Variants in FES observed in about 807,000 individuals in gnomAD.
The protein encoded by FES is FES proto-oncogene, tyrosine kinase, also known as tyrosine-protein kinase Fes/Fps.
A neutral mutation model predicts 109.6 loss-of-function variants in FES; 83 were observed. That is an observed-to-expected ratio of 0.76 (90% CI 0.63 to 0.91). The LOEUF is 0.91. Ranked by LOEUF, FES falls within the 40% of genes least tolerant of loss-of-function variation. The pLI, the probability that FES is intolerant of heterozygous loss-of-function variation, is 0.00. For synonymous variants in FES, 458 were observed against 442.1 expected (o/e 1.04, Z -0.45); for missense variants, 943 against 1,070.9 (o/e 0.88, Z 1.67).
Position 90,893,795 on chromosome 15 carries a change from T to C in FES, c.2187T>C (p.Pro729=), listed in dbSNP as rs1199682698. The part of the protein sequence containing the change: ...LRQVPVKWTA[P]EALNYGRYSS... ...AAGTCCCCGTGAAGTGGACCGCACC[T>C]GAGGCCCTTAACTACGGTACCTAGT... Residue 729 remains proline (P), a synonymous_variant, in exon 17 of 19, where the codon CCT becomes CCC. Transcript: ENST00000328850. The C allele has an allele frequency of 1.3e-6, 2 of 1,597,096 alleles. No individual in the cohort carries two copies. The highest frequency in any genetic ancestry group is 1.7e-5 in the Admixed American group (1 of 58,468).
chr15:90,889,479 T>A lies in FES; in HGVS notation c.806+36T>A, dbSNP rs777684934. The A allele has an allele frequency of 1.9e-6, 3 of 1,613,876 alleles. No homozygotes were observed. In the Admixed American group the frequency reaches 5.0e-5, roughly 27 times the overall value. On this transcript the variant is annotated intron_variant, in intron 6 of 18. Transcript: ENST00000328850. This position sits in a 1 kb window ranked among gnomAD's most constrained non-coding sequence, Gnocchi z 6.1. ...TCCTTGCTCCTGCTGGGCCCAGGGC[T>A]GCTGGCCTGTCCACTGACGGGGCGC...
chr15:90,895,384 T>G (rs1192807073), intron 18 of FES, 32 bp from the exon 19 acceptor site: 1 of 1,483,412 alleles, frequency 6.7e-7, no homozygotes, highest in Non-Finnish European at 9.0e-7. Flanking sequence ...AACTCCCTCC[T>G]CATGCCTGGT....
chr15:90,893,220 G>A (rs372629120), intron 15 of FES, 26 bp downstream of exon 15: 31 of 1,613,414 alleles, frequency 1.9e-5, no homozygotes, highest in African/African-American at 8.0e-5. Flanking sequence ...TGAGCTCCAG[G>A]TAGGGCGCGC....
intron 4 of FES, 40 bp from the exon 5 acceptor site, chr15:90,887,147 T>A: frequency 6.2e-7 from 1 of 1,611,864 alleles, no homozygotes; most frequent in Non-Finnish European, 8.5e-7. Flanking sequence ...TGCCTGGGCC[T>A]CCATGCTGTC....
chr15:90,892,417 G>A (rs1596111523), intron 13 of FES: 1 of 581,388 alleles, frequency 1.7e-6, no homozygotes, highest in Admixed American at 3.0e-5. Context: ...ACCTGTTTAG[G>A]GAAGAAGTCA....
rs1002275129 is a variant in FES at position 90,891,360 on chromosome 15, A to T, written c.1530+169A>T. The T allele has an allele frequency of 3.0e-5, 32 of 1,050,494 alleles. No homozygotes were observed. In the African/African-American group the frequency reaches 4.6e-4, roughly 15 times the overall value. The allele number at this position is 1,050,494 out of a possible 1,614,324, so 65.1% of individuals were successfully genotyped here. A position where few individuals can be genotyped will look rare whatever the true frequency, so the allele number is the denominator to read the frequency against. ...GACCACCCTGTCCCTGCAACAAAAT[A>T]GAGGCTTAAGTGTGAGTCCTCCCCT... is the stretch of plus-strand genomic sequence containing the variant. On this transcript the variant is annotated intron_variant, in intron 11 of 18. Transcript: ENST00000328850.
intron 10 of FES, 54 bp from the exon 11 acceptor site, chr15:90,890,928 C>T (rs1008273508): frequency 9.3e-6 from 14 of 1,508,682 alleles, no homozygotes; most frequent in East Asian, 4.9e-5. Context: ...GCTGCCCCCA[C>T]GGCCTCTTCA....
chr15:90,890,033 T>C (rs1423902430), intron 8 of FES, 59 bp from the exon 9 acceptor site: 3 of 1,574,698 alleles, frequency 1.9e-6, no homozygotes, highest in Non-Finnish European at 2.6e-6. Context: ...TGCTGCTGGC[T>C]ACCCGCCGCA....
Position 90,895,416 on chromosome 15 carries a change from G to A in FES, c.2327G>A (p.Gly776Glu). 6.5e-7 allele frequency: 1 copy of A among 1,530,758 alleles called. No individual in the cohort carries two copies. The highest frequency in any genetic ancestry group is 8.8e-7 in the Non-Finnish European group (1 of 1,134,040). 94.8% of individuals were successfully genotyped at this position (1,530,758 alleles called of 1,614,324 possible). The change falls in exon 19 of 19, where the codon GGG becomes GAG. Residue 776 changes from glycine (G) to glutamate (E), a missense_variant and splice_region_variant. Physicochemically the swap from Gly to Glu is moderately conservative, Grantham distance 98. Transcript: ENST00000328850. ...TGGTGTGCTGTGCCTCTCCTCACAG[G>A]GGGCCGTCTGCCCTGCCCAGAGCTG... ...NQQTREFVEKGGRLPCPELCP... is the reference protein window; with the variant it reads ...NQQTREFVEKEGRLPCPELCP...
chr15:90,887,803 G>A (rs2032804557), intron 5 of FES, among the ~76,000 whole-genome samples: 1 of 152,226 alleles, frequency 6.6e-6, no homozygotes, highest in Non-Finnish European at 1.5e-5. Context: ...CCTCTTGAGA[G>A]GTGACATTCA....
chr15:90,894,987 A>AGGCTGAGGC (rs2033581854), intron 18 of FES, among the ~76,000 whole-genome samples: 5 of 152,144 alleles, frequency 3.3e-5, no homozygotes, highest in Non-Finnish European at 4.4e-5. Context: ...GAATCGCTTG[A>AGGCTGAGGC]ACCTGGGAGG....
At chr15:90,885,922 G>A (rs2032565317) in intron 3 of FES, among the ~76,000 whole-genome samples, 1 of 152,052 alleles carries the variant, frequency 6.6e-6, no homozygotes, top group Admixed American at 6.5e-5. Context: ...AGGAATGAGG[G>A]TCAGTCTGTT....
chr15:90,889,626 G>C lies in FES; in HGVS notation c.916G>C (p.Val306Leu), dbSNP rs373788500. Reference protein sequence around the residue: ...LQLNELTVESVQHTLTSVTDE... With the variant: ...LQLNELTVESLQHTLTSVTDE... ...GCTGAACGAGCTGACTGTGGAGAGC[G>C]TGCAGCACACGTGGGTGGTGGCTTT... The change falls in exon 7 of 19, where the codon GTG (valine) becomes CTG (leucine). Residue 306 changes from valine (V) to leucine (L), a missense_variant. Transcript: ENST00000328850. The surrounding 1 kb of genome is among the most constrained non-coding windows in gnomAD (Gnocchi z 6.1). 8.7e-6 allele frequency: 14 copies of C among 1,613,100 alleles called. No individual in the cohort carries two copies. The highest frequency in any genetic ancestry group is 5.0e-5 in the Admixed American group (3 of 59,990).
intron 13 of FES, 104 bp downstream of exon 13, chr15:90,892,215 C>T: frequency 1.6e-6 from 2 of 1,245,974 alleles, no homozygotes; most frequent in Non-Finnish European, 2.3e-6. Flanking sequence ...CATCTGATTC[C>T]CCACTTGTAC....
At chr15:90,886,872 G>T (rs768214112) in intron 3 of FES, 89 bp from the exon 4 acceptor site, 13 of 1,266,040 alleles carry the variant, frequency 1.0e-5, no homozygotes, top group Non-Finnish European at 1.5e-5. Context: ...CTTGCCTGAC[G>T]ACAGGACCTT....
At chr15:90,892,635 A>C in intron 13 of FES, 72 bp from the exon 14 acceptor site, 1 of 1,455,734 alleles carries the variant, frequency 6.9e-7, no homozygotes, top group Non-Finnish European at 9.4e-7. Flanking sequence ...GGTAGGAAGC[A>C]GAATGGGTAG....
At position 90,891,150 on chromosome 15, in the gene FES, T is replaced by G. The variant is rs1389700380; in HGVS notation, c.1489T>G (p.Trp497Gly). The change falls in exon 11 of 19, where the codon TGG (tryptophan) becomes GGG (glycine). Residue 497 changes from tryptophan to glycine, a missense_variant. Coordinates refer to ENST00000328850, the MANE Select transcript of FES (RefSeq NM_002005.4). ...GKQEYVLSVL[W>G]DGLPRHFIIQ... ...GCAGGAGTACGTGCTGTCGGTGCTG[T>G]GGGATGGTCTGCCCCGGCACTTCAT... The G allele has an allele frequency of 6.4e-7, 1 of 1,569,716 alleles. No individual in the cohort carries two copies. Among genetic ancestry groups the G allele is most frequent in the Non-Finnish European group, 8.6e-7 (1 of 1,157,220 alleles).
Position 90,885,179 on chromosome 15 carries a change from C to T in FES, c.134C>T (p.Ala45Val). 4.3e-6 allele frequency: 7 copies of T among 1,613,888 alleles called. No homozygotes were observed. The highest frequency in any genetic ancestry group is 5.1e-6 in the Non-Finnish European group (6 of 1,180,030). The change falls in exon 2 of 19, where the codon GCA (alanine) becomes GTA (valine). Residue 45 changes from alanine (A) to valine (V), a missense_variant. Ala to Val is a moderately conservative substitution (Grantham distance 64). Coordinates refer to ENST00000328850, the MANE Select transcript of FES (RefSeq NM_002005.4). ...AQRVKSDREY[A>V]GLLHHMSLQD... is the part of the protein sequence containing the mutation. ...CGGGTCAAGAGTGACAGGGAGTATG[C>T]AGGACTGCTTCACCACATGTCCCTG...
At chr15:90,888,230 C>G (rs1187097695) in intron 5 of FES, among the ~76,000 whole-genome samples, 1 of 152,196 alleles carries the variant, frequency 6.6e-6, no homozygotes, top group Non-Finnish European at 1.5e-5. Flanking sequence ...CTCAGCCTCC[C>G]GAGTAGCTGG....
Sources: gnomAD v4.1 joint callset for allele counts (sites outside exome capture counted in the v4.1 genomes callset) on GRCh38, gnomAD v4.1.1 for gene constraint, Gnocchi (gnomAD v3.1) non-coding constraint, MANE v1.5 for transcripts, NCBI Gene and HGNC (gene_info 2026-07-23, HGNC 2026-07-21) for gene names.